The following KRTAP12-1 variants were observed in gnomAD, a reference collection of about 807,000 sequenced individuals.
The protein encoded by KRTAP12-1 is keratin associated protein 12-1.
For missense variants in KRTAP12-1, 109 were observed against 127.2 expected (o/e 0.86, Z 0.69); for synonymous variants, 56 against 58.8 (o/e 0.95, Z 0.22).
rs1555947982 is a variant in KRTAP12-1, at chr21:44,681,699, A to C, written c.*134T>G. The stretch of plus-strand genomic sequence containing the variant: ...TCCAGATCATTCTATTATATTCTCG[A>C]TCCAGAATTCAGAGGGTTCACTGAG... On this transcript the variant is annotated 3_prime_UTR_variant, in exon 1 of 1. Coordinates refer to ENST00000391617, the MANE Select transcript of KRTAP12-1 (RefSeq NM_181686.2). The C allele has an allele frequency of 8.2e-7, 1 of 1,217,244 alleles. No individual in the cohort carries two copies. The highest frequency in any genetic ancestry group is 2.4e-5 in the Admixed American group (1 of 41,098). 75.4% of individuals were successfully genotyped at this position (1,217,244 alleles called of 1,614,324 possible).
chr21:44,681,795 T>A lies in KRTAP12-1; in HGVS notation c.*38A>T. Reference sequence around the variant, plus strand: ...ATCCAGGGAGTGTACAGGTGTGGCCTCATCTGCACTGGGAGCAGCGGGTCT... The same window carrying A: ...ATCCAGGGAGTGTACAGGTGTGGCCACATCTGCACTGGGAGCAGCGGGTCT... On this transcript the variant is annotated 3_prime_UTR_variant, in exon 1 of 1. Coordinates refer to ENST00000391617, the MANE Select transcript of KRTAP12-1 (RefSeq NM_181686.2). 7 of 1,577,952 alleles carry A rather than the reference T, an allele frequency of 4.4e-6. No homozygotes were observed. The highest frequency in any genetic ancestry group is 6.0e-6 in the Non-Finnish European group (7 of 1,159,804).
At position 44,681,705 on chromosome 21, in the gene KRTAP12-1, A is replaced by C. The variant is rs1601560341; in HGVS notation, c.*128T>G. The stretch of plus-strand genomic sequence containing the variant: ...TCATTCTATTATATTCTCGATCCAG[A>C]ATTCAGAGGGTTCACTGAGCATGCT... On this transcript the variant is annotated 3_prime_UTR_variant, in exon 1 of 1. Transcript: ENST00000391617. The C allele has an allele frequency of 3.2e-6, 4 of 1,245,744 alleles. No homozygotes were observed. In the East Asian group the frequency reaches 9.4e-5, roughly 29 times the overall value. The allele number at this position is 1,245,744 out of a possible 1,614,324, so 77.2% of individuals were successfully genotyped here.
Position 44,681,698 on chromosome 21 carries a change from G to C in KRTAP12-1, c.*135C>G. The C allele has an allele frequency of 8.3e-7, 1 of 1,203,650 alleles. No homozygotes were observed. The highest frequency in any genetic ancestry group is 2.5e-5 in the Admixed American group (1 of 40,604). The allele number at this position is 1,203,650 out of a possible 1,614,324, so 74.6% of individuals were successfully genotyped here. A position where few individuals can be genotyped will look rare whatever the true frequency, so the allele number is the denominator to read the frequency against. On this transcript the variant is annotated 3_prime_UTR_variant, in exon 1 of 1. Transcript: ENST00000391617. ...CTCCAGATCATTCTATTATATTCTCGATCCAGAATTCAGAGGGTTCACTGA... is the reference window on the plus strand; with the variant it reads ...CTCCAGATCATTCTATTATATTCTCCATCCAGAATTCAGAGGGTTCACTGA...
chr21:44,681,958 C>T lies in KRTAP12-1; in HGVS notation c.166G>A (p.Val56Met), dbSNP rs369373392. 6.4e-4 allele frequency: 1,027 copies of T among 1,613,834 alleles called. 7 individuals carry two copies. The South Asian group carries it at 9.7e-3, about 15-fold the overall frequency. The change falls in exon 1 of 1, where the codon GTG (valine) becomes ATG (methionine). Residue 56 changes from valine to methionine, a missense_variant. By Grantham distance (21) the Val-to-Met change is conservative (BLOSUM62 1). Transcript: ENST00000391617. ...ACGACGGGCCTGCAGCTCACGGGCA[C>T]GCACACAGAGGACTGGCATCTCACG... is the stretch of plus-strand genomic sequence containing the variant. Reference protein sequence around the residue: ...VPVRCQSSVCVPVSCRPVVYA... With the variant: ...VPVRCQSSVCMPVSCRPVVYA...
rs781828182 is a variant in KRTAP12-1 at position 44,681,982 on chromosome 21, C to A, written c.142G>T (p.Val48Leu). The A allele has an allele frequency of 1.9e-6, 3 of 1,613,184 alleles. No homozygotes were observed. In the South Asian group the frequency reaches 3.3e-5, roughly 18 times the overall value. Residue 48 changes from valine (V) to leucine (L), a missense_variant, in exon 1 of 1, where the codon GTG becomes TTG. Coordinates refer to ENST00000391617, the MANE Select transcript of KRTAP12-1 (RefSeq NM_181686.2). ...ACGCACACAGAGGACTGGCATCTCA[C>A]GGGCACACACACGGCTGGCTTGAAG... ...VSFKPAVCVPVRCQSSVCVPV... is the reference protein window; with the variant it reads ...VSFKPAVCVPLRCQSSVCVPV...
rs149444842 is a variant in KRTAP12-1 at position 44,682,045 on chromosome 21, G to A, written c.79C>T (p.Pro27Ser). ...PSPCQASCYI[P>S]VGCQSSVCVP... ...CACACGGAGGACTGGCAGCCCACGG[G>A]GATGTAACAGGATGCCTGGCAGGGG... is the stretch of plus-strand genomic sequence containing the variant. The change falls in exon 1 of 1, where the codon CCC (proline) becomes TCC (serine). Residue 27 changes from proline to serine, a missense_variant. By Grantham distance (74) the Pro-to-Ser change is moderately conservative. Transcript: ENST00000391617. The A allele has an allele frequency of 7.4e-4, 1,198 of 1,614,070 alleles. 8 individuals carry two copies. In the African/African-American group the frequency reaches 0.014, roughly 18 times the overall value.
chr21:44,681,939 G>C lies in KRTAP12-1; in HGVS notation c.185C>G (p.Pro62Arg). The change falls in exon 1 of 1, where the codon CCC (proline) becomes CGC (arginine). Residue 62 changes from proline (P) to arginine (R), a missense_variant. Transcript: ENST00000391617. Reference protein sequence around the residue: ...SSVCVPVSCRPVVYAAPSCQS... With the variant: ...SSVCVPVSCRRVVYAAPSCQS... ...GCAGGAGGGAGCCGCATACACGACG[G>C]GCCTGCAGCTCACGGGCACGCACAC... is the stretch of plus-strand genomic sequence containing the variant. 3 of 1,614,138 alleles carry C rather than the reference G, an allele frequency of 1.9e-6. No individual in the cohort carries two copies. In the South Asian group the frequency reaches 3.3e-5, roughly 18 times the overall value.
Position 44,681,946 on chromosome 21 carries a change from A to C in KRTAP12-1, c.178T>G (p.Cys60Gly). Reference sequence around the variant, plus strand: ...GGAGCCGCATACACGACGGGCCTGCAGCTCACGGGCACGCACACAGAGGAC... The same window carrying C: ...GGAGCCGCATACACGACGGGCCTGCCGCTCACGGGCACGCACACAGAGGAC... The part of the protein sequence containing the change: ...CQSSVCVPVS[C>G]RPVVYAAPSC... The change falls in exon 1 of 1, where the codon TGC (cysteine) becomes GGC (glycine). Residue 60 changes from cysteine (C) to glycine (G), a missense_variant. Cys to Gly is a radical substitution (Grantham distance 159). Transcript: ENST00000391617. The C allele has an allele frequency of 3.1e-6, 5 of 1,613,952 alleles. No homozygotes were observed. The South Asian group carries it at 5.5e-5, about 18-fold the overall frequency.
At position 44,681,885 on chromosome 21, in the gene KRTAP12-1, C is replaced by A. The variant is rs568436407; in HGVS notation, c.239G>T (p.Cys80Phe). Residue 80 changes from cysteine (C) to phenylalanine (F), a missense_variant, in exon 1 of 1, where the codon TGC becomes TTC. Coordinates refer to ENST00000391617, the MANE Select transcript of KRTAP12-1 (RefSeq NM_181686.2). ...CQSSGCCQPS[C>F]TSVLCRPISC... is the part of the protein sequence containing the mutation. Reference sequence around the variant, plus strand: ...GATGGGTCTGCAGAGGACGCTGGTGCAGGAAGGCTGGCAGCACCCAGAGGA... The same window carrying A: ...GATGGGTCTGCAGAGGACGCTGGTGAAGGAAGGCTGGCAGCACCCAGAGGA... 4.3e-6 allele frequency: 7 copies of A among 1,613,918 alleles called. No individual in the cohort carries two copies. The highest frequency in any genetic ancestry group is 5.9e-6 in the Non-Finnish European group (7 of 1,179,970).
chr21:44,681,831 G>C lies in KRTAP12-1; in HGVS notation c.*2C>G. ...GGGAGCAGCGGGTCTGGAGATTCATGCTCAGCAGCAGGAAGGGGTGCTGCA... is the reference window on the plus strand; with the variant it reads ...GGGAGCAGCGGGTCTGGAGATTCATCCTCAGCAGCAGGAAGGGGTGCTGCA... On this transcript the variant is annotated 3_prime_UTR_variant, in exon 1 of 1. Coordinates refer to ENST00000391617, the MANE Select transcript of KRTAP12-1 (RefSeq NM_181686.2). The C allele has an allele frequency of 6.2e-7, 1 of 1,606,656 alleles. No homozygotes were observed. Among genetic ancestry groups the C allele is most frequent in the Non-Finnish European group, 8.5e-7 (1 of 1,175,454 alleles).
rs1555948157 is a variant in KRTAP12-1 at position 44,682,109 on chromosome 21, G to C, written c.15C>G (p.Ser5Arg). ...AGGCTGGCTGGCAGCCCGAGGAGCA[G>C]CTGGTGTGGCACATGGTGGCGTGTG... The part of the protein sequence containing the change: MCHT[S>R]CSSGCQPACC... Residue 5 changes from serine to arginine, a missense_variant, in exon 1 of 1, where the codon AGC (serine) becomes AGG (arginine). Ser to Arg is a moderately radical substitution (Grantham distance 110). Transcript: ENST00000391617. 7.4e-6 allele frequency: 12 copies of C among 1,613,690 alleles called. No homozygotes were observed. In the Admixed American group the frequency reaches 1.2e-4, roughly 16 times the overall value.
chr21:44,681,690 A>G lies in KRTAP12-1; in HGVS notation c.*143T>C, dbSNP rs778523456. The G allele has an allele frequency of 2.6e-6, 3 of 1,145,228 alleles. No homozygotes were observed. The highest frequency in any genetic ancestry group is 2.6e-5 in the Admixed American group (1 of 38,174). 70.9% of individuals were successfully genotyped at this position (1,145,228 alleles called of 1,614,324 possible). A position where few individuals can be genotyped will look rare whatever the true frequency, so the allele number is the denominator to read the frequency against. ...AGCCAGGGCTCCAGATCATTCTATT[A>G]TATTCTCGATCCAGAATTCAGAGGG... On this transcript the variant is annotated 3_prime_UTR_variant, in exon 1 of 1. Coordinates refer to ENST00000391617, the MANE Select transcript of KRTAP12-1 (RefSeq NM_181686.2).
rs1182881226 is a variant in KRTAP12-1, at chr21:44,682,053, C to A, written c.71G>T (p.Cys24Phe). The change falls in exon 1 of 1, where the codon TGT (cysteine) becomes TTT (phenylalanine). Residue 24 changes from cysteine to phenylalanine, a missense_variant. By Grantham distance (205) the Cys-to-Phe change is radical. Transcript: ENST00000391617. ...GGACTGGCAGCCCACGGGGATGTAA[C>A]AGGATGCCTGGCAGGGGCTGGGCGC... is the stretch of plus-strand genomic sequence containing the variant. The part of the protein sequence containing the change: ...CCAPSPCQAS[C>F]YIPVGCQSSV... 1.2e-6 allele frequency: 2 copies of A among 1,613,944 alleles called. No homozygotes were observed. The highest frequency in any genetic ancestry group is 2.7e-5 in the African/African-American group (2 of 74,930).
Position 44,681,921 on chromosome 21 carries a change from G to T in KRTAP12-1, c.203C>A (p.Pro68His). The T allele has an allele frequency of 6.2e-7, 1 of 1,614,088 alleles. No homozygotes were observed. Among genetic ancestry groups the T allele is most frequent in the South Asian group, 1.1e-5 (1 of 91,078 alleles). ...VSCRPVVYAAPSCQSSGCCQP... is the reference protein window; with the variant it reads ...VSCRPVVYAAHSCQSSGCCQP... ...GCAGCACCCAGAGGACTGGCAGGAG[G>T]GAGCCGCATACACGACGGGCCTGCA... Residue 68 changes from proline to histidine, a missense_variant, in exon 1 of 1, where the codon CCC (proline) becomes CAC (histidine). Coordinates refer to ENST00000391617, the MANE Select transcript of KRTAP12-1 (RefSeq NM_181686.2).
Position 44,682,064 on chromosome 21 carries a change from G to C in KRTAP12-1, c.60C>G (p.Cys20Trp). The C allele has an allele frequency of 6.2e-7, 1 of 1,614,054 alleles. No homozygotes were observed. Among genetic ancestry groups the C allele is most frequent in the Non-Finnish European group, 8.5e-7 (1 of 1,179,942 alleles). The change falls in exon 1 of 1, where the codon TGC (cysteine) becomes TGG (tryptophan). Residue 20 changes from cysteine to tryptophan, a missense_variant. Coordinates refer to ENST00000391617, the MANE Select transcript of KRTAP12-1 (RefSeq NM_181686.2). ...CQPACCAPSP[C>W]QASCYIPVGC... The stretch of plus-strand genomic sequence containing the variant: ...CCACGGGGATGTAACAGGATGCCTG[G>C]CAGGGGCTGGGCGCGCAGCAGGCTG...
chr21:44,682,057 A>C lies in KRTAP12-1; in HGVS notation c.67T>G (p.Ser23Ala). 6.2e-7 allele frequency: 1 copy of C among 1,614,034 alleles called. No homozygotes were observed. The highest frequency in any genetic ancestry group is 8.5e-7 in the Non-Finnish European group (1 of 1,179,940). ...TGGCAGCCCACGGGGATGTAACAGG[A>C]TGCCTGGCAGGGGCTGGGCGCGCAG... ...ACCAPSPCQA[S>A]CYIPVGCQSS... Residue 23 changes from serine to alanine, a missense_variant, in exon 1 of 1, where the codon TCC (serine) becomes GCC (alanine). Coordinates refer to ENST00000391617, the MANE Select transcript of KRTAP12-1 (RefSeq NM_181686.2).
chr21:44,681,714 G>A lies in KRTAP12-1; in HGVS notation c.*119C>T, dbSNP rs1336794832. 49 of 1,276,528 alleles carry A rather than the reference G, an allele frequency of 3.8e-5. No homozygotes were observed. In the East Asian group the frequency reaches 4.7e-4, roughly 12 times the overall value. The allele number at this position is 1,276,528 out of a possible 1,614,324, so 79.1% of individuals were successfully genotyped here. A position where few individuals can be genotyped will look rare whatever the true frequency, so the allele number is the denominator to read the frequency against. On this transcript the variant is annotated 3_prime_UTR_variant, in exon 1 of 1. Coordinates refer to ENST00000391617, the MANE Select transcript of KRTAP12-1 (RefSeq NM_181686.2). ...TATATTCTCGATCCAGAATTCAGAGGGTTCACTGAGCATGCTTTTCACCTG... is the reference window on the plus strand; with the variant it reads ...TATATTCTCGATCCAGAATTCAGAGAGTTCACTGAGCATGCTTTTCACCTG...
the KRTAP12-1 span, chr21:44,682,049 G>C: frequency 6.2e-7 from 1 of 1,614,086 alleles, no homozygotes; most frequent in South Asian, 1.1e-5. Flanking sequence ...CCACGGGGAT[G>C]TAACAGGATG....
Position 44,681,645 on chromosome 21 carries a change from C to T in KRTAP12-1, c.*188G>A. Reference sequence around the variant, plus strand: ...AATGACTCTGGGACCCCAGACTTCCCTGGGGGGATAGGCAAGTTCAGCCAG... The same window carrying T: ...AATGACTCTGGGACCCCAGACTTCCTTGGGGGGATAGGCAAGTTCAGCCAG... On this transcript the variant is annotated 3_prime_UTR_variant, in exon 1 of 1. Transcript: ENST00000391617. 2 of 751,754 alleles carry T rather than the reference C, an allele frequency of 2.7e-6. No individual in the cohort carries two copies. Among genetic ancestry groups the T allele is most frequent in the Non-Finnish European group, 4.1e-6 (2 of 484,596 alleles). 46.6% of individuals were successfully genotyped at this position (751,754 alleles called of 1,614,324 possible).
Sources: gnomAD v4.1 joint callset for allele counts on GRCh38, gnomAD v4.1.1 for gene constraint, MANE v1.5 for transcripts, NCBI Gene and HGNC (gene_info 2026-07-23, HGNC 2026-07-21) for gene names.